The following AGO4 variants were observed in gnomAD, a reference collection of about 807,000 sequenced individuals.
The protein encoded by AGO4 is protein argonaute-4.
AGO4 carries 33 observed loss-of-function variants against 104.7 expected under a neutral mutation model. The observed-to-expected ratio is 0.32, with a 90% CI of 0.24 to 0.42. The LOEUF (loss-of-function observed/expected upper bound fraction) is 0.42, where lower values mean the gene tolerates loss of function less well. Ranked by LOEUF, AGO4 falls within the 10% of genes least tolerant of loss-of-function variation. The pLI, the probability that AGO4 is intolerant of heterozygous loss-of-function variation, is 1.00. For synonymous variants in AGO4, 331 were observed against 364.7 expected (o/e 0.91, Z 1.05); for missense variants, 711 against 1,083.4 (o/e 0.66, Z 4.83).
rs200471384 is a variant in AGO4, at chr1:35,825,788, A to G, written c.598A>G (p.Met200Val). The G allele has an allele frequency of 4.0e-5, 64 of 1,591,466 alleles. No homozygotes were observed. The highest frequency in any genetic ancestry group is 2.9e-5 in the Non-Finnish European group (34 of 1,171,142). The change falls in exon 5 of 18, where the codon ATG (methionine) becomes GTG (valine). Residue 200 changes from methionine to valine, a missense_variant. Transcript: ENST00000373210. ...FGFHQSVRPAMWNMMLNIDVS... is the reference protein window; with the variant it reads ...FGFHQSVRPAVWNMMLNIDVS... ...TTTTCATCAGTCTGTGAGACCTGCCATGTGGAATATGATGCTCAACATTGA... is the reference window on the plus strand; with the variant it reads ...TTTTCATCAGTCTGTGAGACCTGCCGTGTGGAATATGATGCTCAACATTGA...
chr1:35,831,985 A>G, intron 9 of AGO4, 54 bp downstream of exon 9: 4 of 1,605,888 alleles, frequency 2.5e-6, no homozygotes, highest in Non-Finnish European at 3.4e-6. Flanking sequence ...CAAAAAACAA[A>G]AGAATAGAAA....
At chr1:35,823,074 CATAA>C in intron 3 of AGO4, 92 bp downstream of exon 3, 1 of 1,462,134 alleles carries the variant, frequency 6.8e-7, no homozygotes, top group Non-Finnish European at 9.3e-7. Context: ...ACACAAAAAA[CATAA>C]ATGTTTGAGG....
chr1:35,827,026 C>T (rs1258484030), intron 7 of AGO4, among the ~76,000 whole-genome samples, 191 bp downstream of exon 7: 1 of 151,372 alleles, frequency 6.6e-6, no homozygotes. Context: ...ATGGTGAAAC[C>T]CCATCTCTAC....
In AGO4 at chr1:35,846,764, T is replaced by C. The variant is rs1263778511; in HGVS notation, c.2176-3393T>C. ...CATACCTGGCCCTAGTTTTGACAAA[T>C]ACATACAGTTCTGTAGGCATCACCA... is the stretch of plus-strand genomic sequence containing the variant. On this transcript the variant is annotated intron_variant, in intron 15 of 17. Transcript: ENST00000373210. Among the ~76,000 whole-genome samples, 5 of 151,980 alleles carry C rather than the reference T, an allele frequency of 3.3e-5. No homozygotes were observed. In the East Asian group the frequency reaches 7.7e-4, roughly 23 times the overall value.
chr1:35,835,849 T>C lies in AGO4; in HGVS notation c.1580T>C (p.Val527Ala), dbSNP rs1644301307. The change falls in exon 13 of 18, where the codon GTT becomes GCT. Residue 527 changes from valine to alanine, a missense_variant. Coordinates refer to ENST00000373210, the MANE Select transcript of AGO4 (RefSeq NM_017629.4). ...KTPVYAEVKR[V>A]GDTLLGMATQ... ...ATTTTTGTAGCGGAGGTGAAACGTG[T>C]TGGAGATACCCTTCTAGGTATGGCC... 1.2e-6 allele frequency: 2 copies of C among 1,609,502 alleles called. No individual in the cohort carries two copies. The highest frequency in any genetic ancestry group is 1.7e-6 in the Non-Finnish European group (2 of 1,178,708).
At chr1:35,818,567 T>C (rs1643786220) in intron 2 of AGO4, among the ~76,000 whole-genome samples, 1 of 151,106 alleles carries the variant, frequency 6.6e-6, no homozygotes, top group Non-Finnish European at 1.5e-5. Flanking sequence ...GAGGTTGCAG[T>C]GAGTGGAGAT....
intron 2 of AGO4, among the ~76,000 whole-genome samples, chr1:35,818,065 G>A (rs1382824117): frequency 6.6e-6 from 1 of 151,852 alleles, no homozygotes; most frequent in Non-Finnish European, 1.5e-5. Flanking sequence ...TTTATTAGTT[G>A]GTAATAAATG....
At chr1:35,834,205 T>C (rs1359250150) in intron 12 of AGO4, 31 bp downstream of exon 12, 1 of 1,476,604 alleles carries the variant, frequency 6.8e-7, no homozygotes, top group Admixed American at 2.3e-5. Flanking sequence ...GAATGAGGGA[T>C]GATTTCAAGC....
In AGO4 at chr1:35,856,165, G is replaced by T. The variant is rs1642479174; in HGVS notation, c.*2560G>T. 6.6e-6 allele frequency: 1 copy of T among 152,208 alleles called. No homozygotes were observed. The highest frequency in any genetic ancestry group is 2.4e-5 in the African/African-American group (1 of 41,450). 9.4% of individuals were successfully genotyped at this position (152,208 alleles called of 1,614,324 possible). On this transcript the variant is annotated 3_prime_UTR_variant, in exon 18 of 18. Transcript: ENST00000373210. Reference sequence around the variant, plus strand: ...ATAGGAAAATAGTACCATTAAAGGTGCAATGCTGTCATTTTGGACAAAAGG... The same window carrying T: ...ATAGGAAAATAGTACCATTAAAGGTTCAATGCTGTCATTTTGGACAAAAGG...
At position 35,852,983 on chromosome 1, in the gene AGO4, G is replaced by T. The variant is rs182760436; in HGVS notation, c.2478-514G>T. Among the ~76,000 whole-genome samples the T allele has an allele frequency of 2.9e-4, 44 of 152,308 alleles. 1 individual carries two copies. Among genetic ancestry groups the T allele is most frequent in the Admixed American group, 2.5e-3 (39 of 15,296 alleles). On this transcript the variant is annotated intron_variant, in intron 17 of 17. Transcript: ENST00000373210. Reference sequence around the variant, plus strand: ...GAAGTTCAGTTGGCCTGGCGCGGTGGCTCACGCCTGTAATCCCAGCACTTT... The same window carrying T: ...GAAGTTCAGTTGGCCTGGCGCGGTGTCTCACGCCTGTAATCCCAGCACTTT...
At chr1:35,826,157 G>T in intron 6 of AGO4, 97 bp downstream of exon 6, 3 of 1,469,946 alleles carry the variant, frequency 2.0e-6, no homozygotes, top group Non-Finnish European at 2.8e-6. Flanking sequence ...TCGGTCTCAG[G>T]CTAACCACTT....
chr1:35,853,108 G>A (rs1194104545), intron 17 of AGO4, among the ~76,000 whole-genome samples: 2 of 151,944 alleles, frequency 1.3e-5, no homozygotes, highest in Non-Finnish European at 2.9e-5. Flanking sequence ...AAAATCAGCC[G>A]GGTGTGGTGG....
rs764112270 is a variant in AGO4, at chr1:35,823,003, A to ATACTTAGTTCATTTAGTAGTAAT, written c.306+24_306+46dup. The ATACTTAGTTCATTTAGTAGTAAT allele has an allele frequency of 6.8e-6, 11 of 1,609,664 alleles. No individual in the cohort carries two copies. In the South Asian group the frequency reaches 1.2e-4, roughly 18 times the overall value. ...ATAGGGTAAGTGTTAAGAGCAAGAA[A>ATACTTAGTTCATTTAGTAGTAAT]TACTTAGTTCATTTAGTAGTAATTA... is the stretch of plus-strand genomic sequence containing the variant. On this transcript the variant is annotated intron_variant, in intron 3 of 17. Transcript: ENST00000373210.
At position 35,841,705 on chromosome 1, in the gene AGO4, A is replaced by G. The variant is rs1015763737; in HGVS notation, c.2130A>G (p.Gln710=). The G allele has an allele frequency of 3.1e-6, 5 of 1,614,030 alleles. No homozygotes were observed. The highest frequency in any genetic ancestry group is 4.2e-6 in the Non-Finnish European group (5 of 1,179,966). The change falls in exon 15 of 18, where the codon CAA becomes CAG. Residue 710 remains glutamine, a synonymous_variant. Coordinates refer to ENST00000373210, the MANE Select transcript of AGO4 (RefSeq NM_017629.4). This position sits in a 1 kb window ranked among gnomAD's most constrained non-coding sequence, Gnocchi z 4.7. ...YRPGITYIVV[Q]KRHHTRLFCA... ...CAGGAATAACTTATATTGTGGTGCAAAAAAGACATCACACACGACTCTTCT... is the reference window on the plus strand; with the variant it reads ...CAGGAATAACTTATATTGTGGTGCAGAAAAGACATCACACACGACTCTTCT...
chr1:35,847,017 A>G (rs1644587569), intron 15 of AGO4, among the ~76,000 whole-genome samples: 1 of 150,794 alleles, frequency 6.6e-6, no homozygotes, highest in South Asian at 2.1e-4. Flanking sequence ...ACTCCATCTC[A>G]AAAAACAAAA....
chr1:35,840,123 C>T (rs1644404754), intron 13 of AGO4, among the ~76,000 whole-genome samples: 1 of 150,848 alleles, frequency 6.6e-6, no homozygotes, highest in Non-Finnish European at 1.5e-5. Flanking sequence ...TCCCCAGTAG[C>T]TGGGATTACA....
chr1:35,809,422 T>C (rs1643426395), intron 1 of AGO4, among the ~76,000 whole-genome samples: 1 of 152,248 alleles, frequency 6.6e-6, no homozygotes, highest in African/African-American at 2.4e-5. Context: ...TTCATCTTTT[T>C]AGTGCGTAGA....
chr1:35,850,053 A>G (rs1571313429), intron 15 of AGO4, 104 bp from the exon 16 acceptor site: 1 of 697,198 alleles, frequency 1.4e-6, no homozygotes, highest in South Asian at 1.8e-5. Flanking sequence ...TCAAGACTTA[A>G]GAGACATTTA....
chr1:35,832,695 T>C, intron 11 of AGO4, 125 bp downstream of exon 11: 1 of 1,238,312 alleles, frequency 8.1e-7, no homozygotes. Context: ...CATCTGGCTA[T>C]ATGAAAAAGA....
Sources: gnomAD v4.1 joint callset for allele counts (sites outside exome capture counted in the v4.1 genomes callset) on GRCh38, gnomAD v4.1.1 for gene constraint, Gnocchi (gnomAD v3.1) non-coding constraint, MANE v1.5 for transcripts, NCBI Gene and HGNC (gene_info 2026-07-23, HGNC 2026-07-21) for gene names.